UNC80: variants seen among roughly 807,000 people sequenced by gnomAD.
The protein encoded by UNC80 is unc-80 subunit of NALCN channel complex, also known as protein unc-80 homolog.
Under a neutral mutation model 384.6 loss-of-function variants are expected in UNC80, and 164 were observed. The observed-to-expected ratio is 0.43, with a 90% confidence interval of 0.38 to 0.49. The LOEUF (loss-of-function observed/expected upper bound fraction) is 0.49. UNC80 is among the 20% of genes least tolerant of loss of function. The probability of loss-of-function intolerance (pLI) is 0.00; values close to 1 mark genes in which losing one functional copy is unlikely to be tolerated. For missense variants in UNC80, 3,330 were observed against 4,143.0 expected, an observed-to-expected ratio of 0.80 and a Z score of 5.39; for synonymous variants, 1,486 against 1,527.8, an observed-to-expected ratio of 0.97 and a Z score of 0.64.
Position 209,914,020 on chromosome 2 carries a change from C to T in UNC80, c.5029+80C>T, listed in dbSNP as rs890136267. ...AAGTGTTTAAATAAGAGAGGTGTTT[C>T]CATTCTATTTTTGCTCCTAGGTCAA... On this transcript the variant is annotated intron_variant, in intron 31 of 64. Transcript: ENST00000673920. 40 of 1,448,638 alleles carry T rather than the reference C, an allele frequency of 2.8e-5. No homozygotes were observed. In the South Asian group the frequency reaches 3.9e-4, roughly 14 times the overall value. 89.7% of individuals were successfully genotyped at this position (1,448,638 alleles called of 1,614,324 possible).
chr2:209,856,796 T>A (rs568852349), intron 22 of UNC80, among the ~76,000 whole-genome samples: 19 of 146,690 alleles, frequency 1.3e-4, no homozygotes, highest in South Asian at 2.1e-4. Context: ...TTATTTATTT[T>A]TTCGTTTTTG....
At position 209,844,539 on chromosome 2, in the gene UNC80, CCTTCCTTCCTTT is replaced by C. The variant is rs1408679584; in HGVS notation, c.3454+2094_3454+2105del. ...TCCTTCCTTCCTTCCTTCCTTCCTT[CCTTCCTTCCTTT>C]TTCTTTCCAAATCTCCTTCTTTCTT... On this transcript the variant is annotated intron_variant, in intron 21 of 64. Coordinates refer to ENST00000673920, the MANE Select transcript of UNC80 (RefSeq NM_001371986.1). 7.9e-4 allele frequency among the ~76,000 whole-genome samples: 97 copies of C among 122,644 alleles called. 1 individual carries two copies. Among genetic ancestry groups the C allele is most frequent in the African/African-American group, 2.8e-3 (89 of 31,990 alleles). The allele number at this position is 122,644 out of a possible 152,430, so 80.5% of individuals were successfully genotyped here.
At chr2:209,964,304 G>GC (rs2092682221) in intron 51 of UNC80, among the ~76,000 whole-genome samples, 1 of 152,088 alleles carries the variant, frequency 6.6e-6, no homozygotes, top group Non-Finnish European at 1.5e-5. Context: ...GTACCTCCTG[G>GC]CGGAAGTACA....
intron 44 of UNC80, among the ~76,000 whole-genome samples, chr2:209,942,157 C>T (rs1284185990): frequency 6.6e-6 from 1 of 152,120 alleles, no homozygotes; most frequent in Non-Finnish European, 1.5e-5. Context: ...ACTGTGCATG[C>T]AAGGGATCTA....
chr2:209,918,297 A>G (rs2089726779), intron 32 of UNC80, among the ~76,000 whole-genome samples: 1 of 152,172 alleles, frequency 6.6e-6, no homozygotes, highest in Admixed American at 6.5e-5. Context: ...ACTCAAATAG[A>G]GATCATTTGA....
At chr2:209,994,024 A>G in intron 63 of UNC80, 41 bp from the exon 64 acceptor site, 2 of 1,514,036 alleles carry the variant, frequency 1.3e-6, no homozygotes, top group East Asian at 5.0e-5. Flanking sequence ...GTCCGTTTCC[A>G]CCAACTCCTC....
intron 7 of UNC80, among the ~76,000 whole-genome samples, chr2:209,808,491 A>G (rs1339965682): frequency 3.3e-5 from 5 of 150,374 alleles, no homozygotes; most frequent in Admixed American, 1.3e-4. Context: ...TGAACCCGGA[A>G]GCGGAGGTTG....
chr2:209,798,737 G>A (rs2078332250), intron 7 of UNC80, among the ~76,000 whole-genome samples: 1 of 150,852 alleles, frequency 6.6e-6, no homozygotes, highest in South Asian at 2.1e-4. Flanking sequence ...GAATGCAGTG[G>A]TGTGATCTTG....
chr2:209,979,496 C>G (rs909059963), intron 59 of UNC80, among the ~76,000 whole-genome samples: 2 of 152,148 alleles, frequency 1.3e-5, no homozygotes, highest in African/African-American at 4.8e-5. Context: ...GTATGTAAAC[C>G]AGCAGGCTGT....
chr2:209,982,908 CTCT>C (rs2093190858), intron 60 of UNC80: 5 of 150,602 alleles, frequency 3.3e-5, no homozygotes, highest in Admixed American at 1.3e-4. Flanking sequence ...TGTTCTCTGT[CTCT>C]TAAGAATATA....
At chr2:209,979,572 T>G (rs2093105630) in intron 59 of UNC80, among the ~76,000 whole-genome samples, 1 of 152,152 alleles carries the variant, frequency 6.6e-6, no homozygotes, top group African/African-American at 2.4e-5. Flanking sequence ...CCCAGAAACT[T>G]CTAAGGCATG....
chr2:209,949,344 C>T (rs907658247), intron 47 of UNC80, among the ~76,000 whole-genome samples: 5 of 152,238 alleles, frequency 3.3e-5, no homozygotes, highest in Admixed American at 6.5e-5. Flanking sequence ...CACTGGTAAA[C>T]GTTTTAGCAG....
intron 28 of UNC80, among the ~76,000 whole-genome samples, chr2:209,901,598 G>A (rs1175060663): frequency 6.6e-6 from 1 of 152,146 alleles, no homozygotes; most frequent in Non-Finnish European, 1.5e-5. Context: ...CACAGATCAA[G>A]GTGTATTTTG....
In UNC80 at chr2:209,839,438, T is replaced by C. The variant is rs1302024036; in HGVS notation, c.3250+8T>C. Reference sequence around the variant, plus strand: ...AGCTTAAACTCCCCATAGGTAAAAGTATGTCTGTATTTGTTTATGGATTAT... The same window carrying C: ...AGCTTAAACTCCCCATAGGTAAAAGCATGTCTGTATTTGTTTATGGATTAT... On this transcript the variant is annotated splice_region_variant and intron_variant, in intron 19 of 64. Transcript: ENST00000673920. This position sits in a 1 kb window ranked among gnomAD's most constrained non-coding sequence, Gnocchi z 4.1. The C allele has an allele frequency of 6.4e-7, 1 of 1,551,870 alleles. No individual in the cohort carries two copies. The highest frequency in any genetic ancestry group is 1.2e-5 in the South Asian group (1 of 84,046).
At chr2:209,836,060 G>A (rs2081317642) in intron 18 of UNC80, among the ~76,000 whole-genome samples, 1 of 151,906 alleles carries the variant, frequency 6.6e-6, no homozygotes, top group Non-Finnish European at 1.5e-5. Context: ...GACTAGGCTT[G>A]CTCATACTAG....
intron 48 of UNC80, among the ~76,000 whole-genome samples, chr2:209,956,996 G>T (rs1385926835): frequency 1.3e-5 from 2 of 152,106 alleles, no homozygotes; most frequent in African/African-American, 4.8e-5. Flanking sequence ...AAAAAAAACT[G>T]CATTATGCCT....
intron 28 of UNC80, among the ~76,000 whole-genome samples, chr2:209,897,134 A>G (rs2086876340): frequency 6.6e-6 from 1 of 152,134 alleles, no homozygotes; most frequent in Non-Finnish European, 1.5e-5. Context: ...AGTCACCAGA[A>G]CTGACTGATT....
Position 209,943,230 on chromosome 2 carries a change from G to C in UNC80, c.6916-150G>C, listed in dbSNP as rs1450143241. On this transcript the variant is annotated intron_variant, in intron 44 of 64. Coordinates refer to ENST00000673920, the MANE Select transcript of UNC80 (RefSeq NM_001371986.1). Reference sequence around the variant, plus strand: ...TGAGGTGTGTTACTAAATTTATCTAGAGAAAGTTTATGCCATTTTACATTC... The same window carrying C: ...TGAGGTGTGTTACTAAATTTATCTACAGAAAGTTTATGCCATTTTACATTC... 9 of 995,844 alleles carry C rather than the reference G, an allele frequency of 9.0e-6. No homozygotes were observed. The Admixed American group carries it at 2.7e-4, about 30-fold the overall frequency. The allele number at this position is 995,844 out of a possible 1,614,324, so 61.7% of individuals were successfully genotyped here. A position where few individuals can be genotyped will look rare whatever the true frequency, so the allele number is the denominator to read the frequency against.
chr2:209,934,039 TAA>T lies in UNC80; in HGVS notation c.6178+42_6178+43del, dbSNP rs759079931. 7.5e-6 allele frequency: 11 copies of T among 1,471,778 alleles called. No individual in the cohort carries two copies. In the South Asian group the frequency reaches 1.5e-4, roughly 20 times the overall value. The allele number at this position is 1,471,778 out of a possible 1,614,324, so 91.2% of individuals were successfully genotyped here. ...CTACTACTTTTTAGTAACATAACTT[TAA>T]AAAAAAATTATAAATAGCCCTTTGA... On this transcript the variant is annotated intron_variant, in intron 39 of 64. Coordinates refer to ENST00000673920, the MANE Select transcript of UNC80 (RefSeq NM_001371986.1).
Sources: allele counts gnomAD v4.1 joint callset (sites outside exome capture counted in the v4.1 genomes callset), GRCh38; gene constraint gnomAD v4.1.1; non-coding constraint Gnocchi (gnomAD v3.1); transcripts MANE v1.5; gene names NCBI Gene and HGNC (gene_info 2026-07-23, HGNC 2026-07-21).